The following MED17 variants were observed in gnomAD, a reference collection of about 807,000 sequenced individuals.
The protein encoded by MED17 is mediator complex subunit 17.
MED17 carries 49 observed loss-of-function variants against 80.8 expected under a neutral mutation model. The ratio of observed to expected loss-of-function variants is 0.61; its 90% CI spans 0.48 to 0.77. The LOEUF is 0.77. Ranked by LOEUF, MED17 falls within the 30% of genes least tolerant of loss-of-function variation. MED17 has a pLI of 0.00. For missense variants in MED17, 718 were observed against 787.0 expected (o/e 0.91, Z 1.05); for synonymous variants, 281 against 280.4 (o/e 1.00, Z -0.02).
At chr11:93,807,693 A>G in intron 10 of MED17, 58 bp downstream of exon 10, 2 of 1,028,158 alleles carry the variant, frequency 1.9e-6, no homozygotes, top group Non-Finnish European at 3.1e-6. Flanking sequence ...TTAAAGAACA[A>G]ATTGGTTAAA....
At chr11:93,799,619 A>T (rs1031741027) in intron 8 of MED17, among the ~76,000 whole-genome samples, 6 of 152,112 alleles carry the variant, frequency 3.9e-5, no homozygotes, top group Non-Finnish European at 5.9e-5. Flanking sequence ...ACAAAAAAAT[A>T]AAAAAAATTA....
rs778307557 is a variant in MED17 at position 93,793,970 on chromosome 11, C to T, written c.794C>T (p.Ala265Val). ...ATATAGGTTTCAATACAAAAACAGG[C>T]TCCAGATATAGGTGACCTCGGCACA... ...AYIKVSIQKQ[A>V]PDIGDLGTVN... Residue 265 changes from alanine to valine, a missense_variant, in exon 5 of 12, where the codon GCT (alanine) becomes GTT (valine). Physicochemically the swap from Ala to Val is moderately conservative, Grantham distance 64 (BLOSUM62 0). Coordinates refer to ENST00000251871, the MANE Select transcript of MED17 (RefSeq NM_004268.5). 2 of 1,614,012 alleles carry T rather than the reference C, an allele frequency of 1.2e-6. No homozygotes were observed. Among genetic ancestry groups the T allele is most frequent in the South Asian group, 2.2e-5 (2 of 91,074 alleles).
chr11:93,785,796 C>T (rs1293635287), intron 1 of MED17, among the ~76,000 whole-genome samples: 1 of 152,106 alleles, frequency 6.6e-6, no homozygotes, highest in East Asian at 1.9e-4. Context: ...CACTTGAGCC[C>T]AGACTTCAAG....
In MED17 at chr11:93,793,784, C is replaced by G; in HGVS notation, c.694C>G (p.Leu232Val). ...FEVIKNTDLDLDKKIPEDYCP... is the reference protein window; with the variant it reads ...FEVIKNTDLDVDKKIPEDYCP... ...AGTAATAAAGAATACAGATCTCGAT[C>G]TGGATAAAAAGATACCTGAAGATTA... Residue 232 changes from leucine (L) to valine (V), a missense_variant, in exon 4 of 12, where the codon CTG becomes GTG. Coordinates refer to ENST00000251871, the MANE Select transcript of MED17 (RefSeq NM_004268.5). 6.3e-7 allele frequency: 1 copy of G among 1,599,426 alleles called. No individual in the cohort carries two copies. The highest frequency in any genetic ancestry group is 8.6e-7 in the Non-Finnish European group (1 of 1,167,236).
chr11:93,787,347 A>G (rs1022446834), intron 1 of MED17, among the ~76,000 whole-genome samples: 4 of 151,930 alleles, frequency 2.6e-5, no homozygotes, highest in African/African-American at 9.7e-5. Context: ...CGGGAGGTGG[A>G]GCTTGCAGTG....
intron 8 of MED17, among the ~76,000 whole-genome samples, chr11:93,798,652 C>T (rs1426154436): frequency 1.3e-5 from 2 of 152,134 alleles, no homozygotes; most frequent in Non-Finnish European, 2.9e-5. Context: ...TAAGCCAAGG[C>T]TCAACCACTT....
Position 93,797,856 on chromosome 11 carries a change from G to T in MED17, c.1328+137G>T, listed in dbSNP as rs574280935. 3 of 756,846 alleles carry T rather than the reference G, an allele frequency of 4.0e-6. No homozygotes were observed. The East Asian group carries it at 8.2e-5, about 21-fold the overall frequency. 46.9% of individuals were successfully genotyped at this position (756,846 alleles called of 1,614,324 possible). Reference sequence around the variant, plus strand: ...GAGGAGGTGGTAAGAGTTTATTTGCGGTCATAGACTGGGTCCTGTCAAGTC... The same window carrying T: ...GAGGAGGTGGTAAGAGTTTATTTGCTGTCATAGACTGGGTCCTGTCAAGTC... On this transcript the variant is annotated intron_variant, in intron 8 of 11. Coordinates refer to ENST00000251871, the MANE Select transcript of MED17 (RefSeq NM_004268.5).
At chr11:93,792,388 T>A (rs1342307509) in intron 3 of MED17, among the ~76,000 whole-genome samples, 1 of 152,212 alleles carries the variant, frequency 6.6e-6, no homozygotes, top group Non-Finnish European at 1.5e-5. Context: ...TAATAGGTGG[T>A]CTGTAGAAGC....
intron 5 of MED17, 94 bp downstream of exon 5, chr11:93,794,129 G>T: frequency 3.0e-6 from 3 of 999,004 alleles, no homozygotes; most frequent in Non-Finnish European, 3.2e-6. Context: ...AAAATAGATA[G>T]TTTGAAGTAA....
rs1016710235 is a variant in MED17 at position 93,800,042 on chromosome 11, C to T, written c.1329-1793C>T. Among the ~76,000 whole-genome samples the T allele has an allele frequency of 5.5e-4, 83 of 152,264 alleles. 1 individual carries two copies. Among genetic ancestry groups the T allele is most frequent in the African/African-American group, 1.9e-3 (80 of 41,564 alleles). On this transcript the variant is annotated intron_variant, in intron 8 of 11. Coordinates refer to ENST00000251871, the MANE Select transcript of MED17 (RefSeq NM_004268.5). Reference sequence around the variant, plus strand: ...TGTATAATATCCTATAATGTAAATACTTCATGATTTCTTTTCCCAATTTTC... The same window carrying T: ...TGTATAATATCCTATAATGTAAATATTTCATGATTTCTTTTCCCAATTTTC...
chr11:93,794,068 C>G (rs1158031273), intron 5 of MED17, 33 bp downstream of exon 5: 1 of 1,512,224 alleles, frequency 6.6e-7, no homozygotes, highest in African/African-American at 1.4e-5. Flanking sequence ...AATTTCTGGT[C>G]TTATTTGAGC....
intron 9 of MED17, among the ~76,000 whole-genome samples, chr11:93,802,602 T>G (rs552374284): frequency 4.6e-5 from 7 of 152,304 alleles, no homozygotes; most frequent in Non-Finnish European, 8.8e-5. Flanking sequence ...CAGGTCTGCT[T>G]CAGTTCTTGC....
At chr11:93,793,927 T>C in intron 4 of MED17, 24 bp from the exon 5 acceptor site, 1 of 1,613,658 alleles carries the variant, frequency 6.2e-7, no homozygotes. Flanking sequence ...TTTGTTAACT[T>C]TTTTTGTTTT....
intron 6 of MED17, 148 bp downstream of exon 6, chr11:93,795,208 A>G (rs1283044448): frequency 4.6e-6 from 4 of 877,330 alleles, no homozygotes; most frequent in Non-Finnish European, 7.6e-6. Flanking sequence ...AAAGCATGTA[A>G]CACAAACTAT....
At chr11:93,809,385 T>C in intron 10 of MED17, 1 of 376,240 alleles carries the variant, frequency 2.7e-6, no homozygotes, top group Non-Finnish European at 5.1e-6. Flanking sequence ...GGGCAGAAAA[T>C]AAGGTAGGCA....
chr11:93,807,491 T>C, intron 9 of MED17, 27 bp from the exon 10 acceptor site: 1 of 1,186,594 alleles, frequency 8.4e-7, no homozygotes, highest in South Asian at 1.2e-5. Context: ...TGAACATCTC[T>C]GATTTTTAGT....
rs753495788 is a variant in MED17 at position 93,807,512 on chromosome 11, A to G, written c.1467-6A>G. On this transcript the variant is annotated splice_region_variant and splice_polypyrimidine_tract_variant and intron_variant, in intron 9 of 11. Coordinates refer to ENST00000251871, the MANE Select transcript of MED17 (RefSeq NM_004268.5). ...TCTCTGATTTTTAGTATGTGTGTCTATAAAGGTCCATTCAACTGCAATTGA... is the reference window on the plus strand; with the variant it reads ...TCTCTGATTTTTAGTATGTGTGTCTGTAAAGGTCCATTCAACTGCAATTGA... 5 of 1,510,166 alleles carry G rather than the reference A, an allele frequency of 3.3e-6. No homozygotes were observed. The highest frequency in any genetic ancestry group is 4.5e-5 in the East Asian group (2 of 44,376). 93.5% of individuals were successfully genotyped at this position (1,510,166 alleles called of 1,614,324 possible).
In MED17 at chr11:93,791,660, T is replaced by G. The variant is rs61904953; in HGVS notation, c.637+867T>G. On this transcript the variant is annotated intron_variant, in intron 3 of 11. Coordinates refer to ENST00000251871, the MANE Select transcript of MED17 (RefSeq NM_004268.5). ...GGTCCTGGCTGCAGTGAGCCGAGATTGCACCACTGCATTCCAGCCTGACCT... is the reference window on the plus strand; with the variant it reads ...GGTCCTGGCTGCAGTGAGCCGAGATGGCACCACTGCATTCCAGCCTGACCT... 6.8e-3 allele frequency among the ~76,000 whole-genome samples: 1,032 copies of G among 151,960 alleles called. 18 individuals carry two copies. Among genetic ancestry groups the G allele is most frequent in the African/African-American group, 0.024 (987 of 41,454 alleles).
chr11:93,790,315 C>G (rs781331269), intron 2 of MED17: 7 of 552,832 alleles, frequency 1.3e-5, no homozygotes, highest in Admixed American at 6.8e-5. Flanking sequence ...AGAGGGGACC[C>G]TAACAGGCTG....
Sources: allele counts gnomAD v4.1 joint callset (sites outside exome capture counted in the v4.1 genomes callset), GRCh38; gene constraint gnomAD v4.1.1; transcripts MANE v1.5; gene names NCBI Gene and HGNC (gene_info 2026-07-23, HGNC 2026-07-21).